The following PHIP variants were observed in gnomAD, a reference collection of about 807,000 sequenced individuals.
The protein encoded by PHIP is PHIP subunit of CUL4-Ring ligase complex, also known as PH-interacting protein.
A neutral mutation model predicts 236.8 loss-of-function variants in PHIP; 54 were observed. The ratio of observed to expected loss-of-function variants is 0.23; its 90% CI spans 0.18 to 0.29. The LOEUF (loss-of-function observed/expected upper bound fraction) is 0.29, where lower values mean the gene tolerates loss of function less well. PHIP is among the 10% of genes least tolerant of loss of function. The pLI, the probability that PHIP is intolerant of heterozygous loss-of-function variation, is 1.00. For synonymous variants in PHIP, 756 were observed against 718.9 expected (o/e 1.05, Z -0.83); for missense variants, 1,370 against 2,190.8 (o/e 0.63, Z 7.48).
chr6:79,019,706 C>T (rs1185209274), intron 9 of PHIP, among the ~76,000 whole-genome samples: 2 of 152,062 alleles, frequency 1.3e-5, no homozygotes, highest in African/African-American at 4.8e-5. Context: ...TCTGAAGATA[C>T]TTTGACTCTT....
At chr6:79,043,472 T>C (rs553133973) in intron 6 of PHIP, among the ~76,000 whole-genome samples, 1 of 152,268 alleles carries the variant, frequency 6.6e-6, no homozygotes, top group East Asian at 1.9e-4. Flanking sequence ...TTTAAAAACA[T>C]CTTTATAACA....
At chr6:79,063,145 T>C (rs904197893) in intron 4 of PHIP, among the ~76,000 whole-genome samples, 2 of 152,226 alleles carry the variant, frequency 1.3e-5, no homozygotes, top group African/African-American at 2.4e-5. Flanking sequence ...TCATGCACTA[T>C]ACTAAAATTG....
chr6:78,968,126 C>T (rs1167053515), intron 27 of PHIP, among the ~76,000 whole-genome samples: 1 of 152,068 alleles, frequency 6.6e-6, no homozygotes, highest in East Asian at 1.9e-4. Context: ...CAGAGCGAGA[C>T]TCCATCTCAA....
In PHIP at chr6:79,077,916, G is replaced by T; in HGVS notation, c.41-3C>A. On this transcript the variant is annotated splice_polypyrimidine_tract_variant and splice_region_variant and intron_variant, in intron 1 of 39. Coordinates refer to ENST00000275034, the MANE Select transcript of PHIP (RefSeq NM_017934.7). The stretch of plus-strand genomic sequence containing the variant: ...CCGGGCGATGAGGAAGTAGAGCTCT[G>T]CGCGGGAGAGAGGGACGGGGAGACA... 1.3e-6 allele frequency: 2 copies of T among 1,594,788 alleles called. No homozygotes were observed. Among genetic ancestry groups the T allele is most frequent in the Admixed American group, 1.7e-5 (1 of 58,234 alleles).
At chr6:79,067,035 C>T (rs1472981517) in intron 4 of PHIP, among the ~76,000 whole-genome samples, 3 of 151,996 alleles carry the variant, frequency 2.0e-5, no homozygotes, top group African/African-American at 4.8e-5. Flanking sequence ...ACTATAGGTG[C>T]GTTACATCAC....
At chr6:78,945,622 A>C in intron 38 of PHIP, 125 bp from the exon 39 acceptor site, 1 of 671,996 alleles carries the variant, frequency 1.5e-6, no homozygotes, top group Non-Finnish European at 2.6e-6. Context: ...AAGCTTTCTT[A>C]GGAAAGCTAC....
chr6:78,945,050 C>T (rs1335268113), intron 39 of PHIP, among the ~76,000 whole-genome samples: 1 of 151,602 alleles, frequency 6.6e-6, no homozygotes, highest in African/African-American at 2.4e-5. Context: ...GTTAACTATA[C>T]CCTATTTAAT....
intron 4 of PHIP, among the ~76,000 whole-genome samples, chr6:79,076,489 T>C (rs937189772): frequency 2.0e-5 from 3 of 152,178 alleles, no homozygotes; most frequent in South Asian, 4.1e-4. Flanking sequence ...ACAGAAAATA[T>C]AGCTCCTTTA....
chr6:78,990,832 A>C (rs1409496910), intron 20 of PHIP, 36 bp downstream of exon 20: 4 of 1,204,464 alleles, frequency 3.3e-6, no homozygotes, highest in Non-Finnish European at 3.6e-6. Flanking sequence ...TATACTTAAG[A>C]AGCAAATATT....
At chr6:79,025,435 T>G in intron 9 of PHIP, 84 bp downstream of exon 9, 1 of 745,910 alleles carries the variant, frequency 1.3e-6, no homozygotes, top group East Asian at 2.5e-5. Flanking sequence ...GTAAATGTAT[T>G]CCTATTGTCG....
At chr6:78,973,471 A>C (rs1156491998) in intron 24 of PHIP, among the ~76,000 whole-genome samples, 1 of 121,016 alleles carries the variant, frequency 8.3e-6, no homozygotes, top group African/African-American at 3.2e-5. Context: ...TGCATCAACT[A>C]ATGAGCAAAA....
At chr6:79,069,952 T>C (rs989796263) in intron 4 of PHIP, among the ~76,000 whole-genome samples, 9 of 152,086 alleles carry the variant, frequency 5.9e-5, no homozygotes, top group African/African-American at 2.2e-4. Flanking sequence ...CACAAATTTG[T>C]CATTTAAAGA....
intron 7 of PHIP, among the ~76,000 whole-genome samples, chr6:79,039,747 C>A (rs1274847355): frequency 6.6e-6 from 1 of 152,040 alleles, no homozygotes; most frequent in Non-Finnish European, 1.5e-5. Flanking sequence ...TTTTGAGTGC[C>A]TTAGTTGTGA....
intron 27 of PHIP, among the ~76,000 whole-genome samples, chr6:78,968,307 A>T (rs1767285125): frequency 6.6e-6 from 1 of 152,208 alleles, no homozygotes; most frequent in Admixed American, 6.5e-5. Context: ...AGTAAGTATC[A>T]GAGTTGATTC....
At chr6:78,981,712 A>C (rs947392098) in intron 23 of PHIP, among the ~76,000 whole-genome samples, 2 of 152,050 alleles carry the variant, frequency 1.3e-5, no homozygotes, top group Admixed American at 6.6e-5. Context: ...GAGATGAAAA[A>C]GAATATTTAC....
At chr6:78,986,095 C>T (rs553194204) in intron 21 of PHIP, among the ~76,000 whole-genome samples, 6 of 152,142 alleles carry the variant, frequency 3.9e-5, no homozygotes, top group Non-Finnish European at 7.4e-5. Flanking sequence ...GCTTTCTCTT[C>T]TATAGGTGCT....
At chr6:78,979,818 AAAT>A (rs1768390234) in intron 23 of PHIP, among the ~76,000 whole-genome samples, 2 of 152,054 alleles carry the variant, frequency 1.3e-5, no homozygotes, top group Non-Finnish European at 2.9e-5. Flanking sequence ...TATCAGTATA[AAAT>A]AATACTTGTT....
intron 8 of PHIP, 50 bp downstream of exon 8, chr6:79,025,893 A>G: frequency 7.7e-7 from 1 of 1,295,862 alleles, no homozygotes; most frequent in Non-Finnish European, 1.1e-6. Flanking sequence ...AATTTACTTT[A>G]CATTATAACA....
chr6:79,016,541 T>C lies in PHIP; in HGVS notation c.1235+3A>G. 1 of 1,589,098 alleles carries C rather than the reference T, an allele frequency of 6.3e-7. No individual in the cohort carries two copies. The highest frequency in any genetic ancestry group is 1.1e-5 in the South Asian group (1 of 90,196). On this transcript the variant is annotated splice_donor_region_variant and intron_variant, in intron 13 of 39. Coordinates refer to ENST00000275034, the MANE Select transcript of PHIP (RefSeq NM_017934.7). Reference sequence around the variant, plus strand: ...ACATAATATTTCAAATTTGACCTCTTACCCTGCTGGACGAGTAGCCATATC... The same window carrying C: ...ACATAATATTTCAAATTTGACCTCTCACCCTGCTGGACGAGTAGCCATATC...
Sources: allele counts gnomAD v4.1 joint callset (sites outside exome capture counted in the v4.1 genomes callset), GRCh38; gene constraint gnomAD v4.1.1; transcripts MANE v1.5; gene names NCBI Gene and HGNC (gene_info 2026-07-23, HGNC 2026-07-21).